The following RNLS variants were observed in gnomAD, a reference collection of about 807,000 sequenced individuals.
RNLS encodes renalase, FAD dependent amine oxidase.
Under a neutral mutation model 39.8 loss-of-function variants are expected in RNLS, and 39 were observed. That is an observed-to-expected ratio of 0.98 (90% CI 0.76 to 1.28). The LOEUF (loss-of-function observed/expected upper bound fraction) is 1.28, where lower values mean the gene tolerates loss of function less well. Ranked by LOEUF, RNLS falls within the 50% of genes most tolerant of loss-of-function variation. RNLS has a pLI of 0.00. For synonymous variants in RNLS, 147 were observed against 150.7 expected, an observed-to-expected ratio of 0.98 and a Z score of 0.18; for missense variants, 410 against 413.3, an observed-to-expected ratio of 0.99 and a Z score of 0.07.
the RNLS span, among the ~76,000 whole-genome samples, chr10:88,186,455 T>C: frequency 6.6e-6 from 1 of 152,126 alleles, no homozygotes; most frequent in South Asian, 2.1e-4. Context: ...TTTACACATG[T>C]CATCTCTGTT....
At chr10:88,297,641 T>C (rs1844186190) in intron 6 of RNLS, among the ~76,000 whole-genome samples, 1 of 152,210 alleles carries the variant, frequency 6.6e-6, no homozygotes, top group Non-Finnish European at 1.5e-5. Flanking sequence ...GTTTTCAAGG[T>C]TCATTCATGT....
At chr10:88,471,715 A>G (rs1014461626) in intron 4 of RNLS, among the ~76,000 whole-genome samples, 3 of 152,194 alleles carry the variant, frequency 2.0e-5, no homozygotes, top group Non-Finnish European at 2.9e-5. Context: ...GAGAAGGTAC[A>G]TGTTTGGAAG....
intron 4 of RNLS, among the ~76,000 whole-genome samples, chr10:88,542,238 T>C (rs1187233558): frequency 6.6e-6 from 1 of 152,056 alleles, no homozygotes; most frequent in African/African-American, 2.4e-5. Flanking sequence ...GAGGCTAGAT[T>C]CAAGCATGAT....
chr10:88,365,172 G>C (rs550785073), intron 4 of RNLS, among the ~76,000 whole-genome samples: 2 of 151,844 alleles, frequency 1.3e-5, no homozygotes, highest in Non-Finnish European at 2.9e-5. Context: ...AATTCATTCC[G>C]AGAACAGGGA....
chr10:88,288,726 A>G (rs1843458516), intron 6 of RNLS, among the ~76,000 whole-genome samples: 1 of 152,320 alleles, frequency 6.6e-6, no homozygotes, highest in Non-Finnish European at 1.5e-5. Flanking sequence ...GCCAGATCAC[A>G]TGGCTGGAAA....
rs143513862 is a variant in RNLS at position 88,581,681 on chromosome 10, C to A, written c.253G>T (p.Val85Phe). Residue 85 changes from valine (V) to phenylalanine (F), a missense_variant, in exon 3 of 7, where the codon GTT becomes TTT. Coordinates refer to ENST00000331772, the MANE Select transcript of RNLS (RefSeq NM_001031709.3). ...ATAGGCGAGCTTAGAGGCCTCAAAACGCCATAGGCTAACAGTTCATCATAA... is the reference window on the plus strand; with the variant it reads ...ATAGGCGAGCTTAGAGGCCTCAAAAAGCCATAGGCTAACAGTTCATCATAA... ...RFYDELLAYG[V>F]LRPLSSPIEG... 32 of 1,588,352 alleles carry A rather than the reference C, an allele frequency of 2.0e-5. No homozygotes were observed. The highest frequency in any genetic ancestry group is 3.5e-5 in the Admixed American group (2 of 56,340).
intron 4 of RNLS, among the ~76,000 whole-genome samples, chr10:88,506,895 G>T (rs912646464): frequency 6.6e-6 from 1 of 152,136 alleles, no homozygotes; most frequent in African/African-American, 2.4e-5. Flanking sequence ...TGGAGGTAAC[G>T]GGGTTGGTCA....
chr10:88,399,544 CA>C (rs1302734548), intron 4 of RNLS, among the ~76,000 whole-genome samples: 3 of 151,892 alleles, frequency 2.0e-5, no homozygotes, highest in African/African-American at 7.3e-5. Context: ...CACAAGTCCA[CA>C]ACTGTATTAT....
intron 6 of RNLS, among the ~76,000 whole-genome samples, chr10:88,291,450 T>C (rs1199838550): frequency 6.6e-6 from 1 of 152,162 alleles, no homozygotes; most frequent in Non-Finnish European, 1.5e-5. Context: ...GCTGGGCAAA[T>C]TTCCCCAACT....
intron 5 of RNLS, among the ~76,000 whole-genome samples, chr10:88,339,743 T>G (rs2133212934): frequency 6.6e-6 from 1 of 152,314 alleles, no homozygotes; most frequent in South Asian, 2.1e-4. Flanking sequence ...CTGATACAAA[T>G]TATTCTAAAT....
At chr10:88,174,280 A>T in the RNLS span, among the ~76,000 whole-genome samples, 1 of 151,876 alleles carries the variant, frequency 6.6e-6, no homozygotes, top group Non-Finnish European at 1.5e-5. Context: ...TAGAACTTCC[A>T]GTACTGTGTT....
intron 6 of RNLS, chr10:88,275,167 A>G (rs970082681): frequency 6.7e-6 from 4 of 598,254 alleles, no homozygotes; most frequent in African/African-American, 5.5e-5. Flanking sequence ...TTCTGGCTCT[A>G]TAGGTGGTCT....
chr10:88,272,255 C>G (rs991892070), downstream of RNLS, among the ~76,000 whole-genome samples: 6 of 152,178 alleles, frequency 3.9e-5, no homozygotes, highest in Admixed American at 1.3e-4. Context: ...GGCACAGAAA[C>G]AGAAGCTTTA....
chr10:88,178,503 TG>T, the RNLS span, among the ~76,000 whole-genome samples: 6 of 152,290 alleles, frequency 3.9e-5, no homozygotes, highest in South Asian at 1.2e-3. Flanking sequence ...TGTGGATTTC[TG>T]GAGATCTTCT....
chr10:88,514,359 T>A (rs1221932480), intron 4 of RNLS, among the ~76,000 whole-genome samples: 2 of 151,958 alleles, frequency 1.3e-5, no homozygotes, highest in Non-Finnish European at 2.9e-5. Context: ...TCCTACCAGG[T>A]CCCTCCCTCG....
chr10:88,235,137 G>T, the RNLS span, among the ~76,000 whole-genome samples: 1 of 151,716 alleles, frequency 6.6e-6, no homozygotes, highest in Non-Finnish European at 1.5e-5. Context: ...GGGTGGTGGC[G>T]GGTGCCTGTA....
the RNLS span, among the ~76,000 whole-genome samples, chr10:88,181,654 A>C: frequency 6.6e-6 from 1 of 152,172 alleles, no homozygotes; most frequent in African/African-American, 2.4e-5. Context: ...GTAAGTATGC[A>C]TCAGTGGTCT....
At chr10:88,502,814 C>T (rs1845580766) in intron 4 of RNLS, among the ~76,000 whole-genome samples, 1 of 152,014 alleles carries the variant, frequency 6.6e-6, no homozygotes, top group Admixed American at 6.6e-5. Flanking sequence ...AGAAGAATAA[C>T]AAATCTGTTT....
the RNLS span, among the ~76,000 whole-genome samples, chr10:88,219,240 C>T: frequency 6.6e-6 from 1 of 152,110 alleles, no homozygotes; most frequent in Non-Finnish European, 1.5e-5. Flanking sequence ...TTGAGTAAAT[C>T]ACAGGTTAGA....
Sources: gnomAD v4.1 joint callset for allele counts (sites outside exome capture counted in the v4.1 genomes callset) on GRCh38, gnomAD v4.1.1 for gene constraint, MANE v1.5 for transcripts, NCBI Gene and HGNC (gene_info 2026-07-23, HGNC 2026-07-21) for gene names.